The following ABCA9 variants were observed in gnomAD, a reference collection of about 807,000 sequenced individuals.
ABCA9 encodes ATP binding cassette subfamily A member 9.
In ABCA9, 183 loss-of-function variants were observed where a neutral mutation model predicts 205.3. That is an observed-to-expected ratio of 0.89 (90% CI 0.79 to 1.01). The LOEUF (loss-of-function observed/expected upper bound fraction) is 1.01. Ranked by LOEUF, ABCA9 falls within the 50% of genes least tolerant of loss-of-function variation. The pLI is 0.00. For synonymous variants in ABCA9, 651 were observed against 683.3 expected (o/e 0.95, Z 0.74); for missense variants, 1,805 against 1,912.4 (o/e 0.94, Z 1.05).
At chr17:68,986,374 T>C (rs1026940078) in intron 31 of ABCA9, 50 bp from the exon 32 acceptor site, 1 of 1,514,630 alleles carries the variant, frequency 6.6e-7, no homozygotes, top group African/African-American at 1.4e-5. Flanking sequence ...GTCACGTATA[T>C]GTATATGCAT....
upstream of ABCA9, among the ~76,000 whole-genome samples, chr17:69,064,844 T>C (rs941604162): frequency 6.6e-6 from 1 of 152,220 alleles, no homozygotes; most frequent in African/African-American, 2.4e-5. Flanking sequence ...TTTAATATAC[T>C]TTTTGGCCAT....
intron 34 of ABCA9, among the ~76,000 whole-genome samples, chr17:68,984,600 G>A (rs1413917673): frequency 1.3e-5 from 2 of 152,176 alleles, no homozygotes; most frequent in Non-Finnish European, 2.9e-5. Context: ...ATCAGGTGAT[G>A]TTGCAGAAAG....
At chr17:69,030,460 A>G (rs917154964) in intron 10 of ABCA9, among the ~76,000 whole-genome samples, 47 of 152,326 alleles carry the variant, frequency 3.1e-4, no homozygotes, top group African/African-American at 1.1e-3. Flanking sequence ...CTAAGACTTT[A>G]TCTTCAAATA....
chr17:69,051,037 G>A lies in ABCA9; in HGVS notation c.90C>T (p.Thr30=), dbSNP rs773135072. 1 of 1,613,412 alleles carries A rather than the reference G, an allele frequency of 6.2e-7. No homozygotes were observed. Among genetic ancestry groups the A allele is most frequent in the Admixed American group, 1.7e-5 (1 of 59,872 alleles). ...CATAGACTCTGAAGCATACCAACAA[G>A]GTCTGTCTTTTCATTCTCCATTTTT... ...CLKKWRMKRQ[T]LLEWLFSFLL... Residue 30 remains threonine (T), a synonymous_variant, in exon 2 of 39, where the codon ACC becomes ACT. Coordinates refer to ENST00000340001, the MANE Select transcript of ABCA9 (RefSeq NM_080283.4).
chr17:69,022,982 C>G (rs1217603065), intron 17 of ABCA9, among the ~76,000 whole-genome samples: 1 of 152,188 alleles, frequency 6.6e-6, no homozygotes, highest in East Asian at 1.9e-4. Context: ...AATAAGCAAT[C>G]AGCTAAAACT....
chr17:68,993,098 A>T lies in ABCA9; in HGVS notation c.3556-14T>A, dbSNP rs2069508330. ...ATCAGGAGAAATCTGTAAAATGAGC[A>T]GTAAGTGTATTCAGGTGAACCTTCT... On this transcript the variant is annotated splice_polypyrimidine_tract_variant and intron_variant, in intron 26 of 38. Coordinates refer to ENST00000340001, the MANE Select transcript of ABCA9 (RefSeq NM_080283.4). 1 of 1,607,420 alleles carries T rather than the reference A, an allele frequency of 6.2e-7. No individual in the cohort carries two copies. The highest frequency in any genetic ancestry group is 1.1e-5 in the South Asian group (1 of 90,578).
chr17:69,046,569 A>G (rs2071709013), intron 3 of ABCA9, among the ~76,000 whole-genome samples: 1 of 152,048 alleles, frequency 6.6e-6, no homozygotes, highest in Non-Finnish European at 1.5e-5. Context: ...TTCATCTACT[A>G]ATATAAAACA....
intron 10 of ABCA9, among the ~76,000 whole-genome samples, chr17:69,029,598 T>A (rs1422106765): frequency 6.6e-6 from 1 of 152,120 alleles, no homozygotes; most frequent in Non-Finnish European, 1.5e-5. Flanking sequence ...CACACCATAA[T>A]AGAAACAGTA....
At chr17:69,043,088 G>C (rs1222459780) in intron 6 of ABCA9, 1 of 174,166 alleles carries the variant, frequency 5.7e-6, no homozygotes, top group African/African-American at 2.5e-5. Context: ...GACAGTGACA[G>C]ATCATCAGGC....
chr17:69,055,080 A>T (rs1211152832), intron 1 of ABCA9, among the ~76,000 whole-genome samples: 1 of 152,206 alleles, frequency 6.6e-6, no homozygotes, highest in African/African-American at 2.4e-5. Context: ...TAGACCAAAA[A>T]TAGAATTGAA....
At chr17:69,054,680 G>A (rs990573372) in intron 1 of ABCA9, among the ~76,000 whole-genome samples, 1 of 151,750 alleles carries the variant, frequency 6.6e-6, no homozygotes, top group Non-Finnish European at 1.5e-5. Flanking sequence ...ATTCAATTGT[G>A]TATACTTATG....
At chr17:68,996,336 A>C (rs2069624235) in intron 25 of ABCA9, among the ~76,000 whole-genome samples, 1 of 152,146 alleles carries the variant, frequency 6.6e-6, no homozygotes, top group South Asian at 2.1e-4. Flanking sequence ...TTTTCATTTC[A>C]CAATAGTTCA....
At chr17:69,030,905 T>G (rs1376653090) in intron 10 of ABCA9, among the ~76,000 whole-genome samples, 2 of 152,188 alleles carry the variant, frequency 1.3e-5, no homozygotes, top group African/African-American at 2.4e-5. Context: ...GAGAGGTGAT[T>G]ATGAGTCCAG....
intron 36 of ABCA9, among the ~76,000 whole-genome samples, chr17:68,983,476 T>C (rs972030717): frequency 6.6e-6 from 1 of 152,188 alleles, no homozygotes; most frequent in Non-Finnish European, 1.5e-5. Flanking sequence ...GTATTTGGCA[T>C]GTTAGAGCCC....
Position 69,033,832 on chromosome 17 carries a change from C to A in ABCA9, c.1170G>T (p.Leu390Phe). The part of the protein sequence containing the change: ...LDYDVNSNAH[L>F]DSSQNPYLII... ...TGAGGTATGGATTTTGTGAAGAATC[C>A]AAGTGGGCATTAGAATTCACATCAT... The change falls in exon 9 of 39, where the codon TTG (leucine) becomes TTT (phenylalanine). Residue 390 changes from leucine to phenylalanine, a missense_variant. Coordinates refer to ENST00000340001, the MANE Select transcript of ABCA9 (RefSeq NM_080283.4). 1 of 1,606,880 alleles carries A rather than the reference C, an allele frequency of 6.2e-7. No homozygotes were observed. Among genetic ancestry groups the A allele is most frequent in the South Asian group, 1.1e-5 (1 of 90,138 alleles).
Position 68,975,984 on chromosome 17 carries a change from C to G in ABCA9, c.4806G>C (p.Glu1602Asp). 1 of 1,613,796 alleles carries G rather than the reference C, an allele frequency of 6.2e-7. No homozygotes were observed. Among genetic ancestry groups the G allele is most frequent in the Non-Finnish European group, 8.5e-7 (1 of 1,179,868 alleles). The change falls in exon 39 of 39, where the codon GAG becomes GAC. Residue 1602 changes from glutamate (E) to aspartate (D), a missense_variant. Glu to Asp is a conservative substitution (Grantham distance 45). Coordinates refer to ENST00000340001, the MANE Select transcript of ABCA9 (RefSeq NM_080283.4). ...CAAAGTCCTCTTCAAGATCACCCAG[C>G]TCCTGCTCCTTGGAGAGCTCCAGGA... ...QVFLELSKEQELGDLEEDFDP... is the reference protein window; with the variant it reads ...QVFLELSKEQDLGDLEEDFDP...
chr17:69,074,659 C>T, the ABCA9 span, among the ~76,000 whole-genome samples: 11 of 152,176 alleles, frequency 7.2e-5, no homozygotes, highest in African/African-American at 1.9e-4. Flanking sequence ...CCACCACTGA[C>T]GGGCATCTCG....
intron 6 of ABCA9, among the ~76,000 whole-genome samples, chr17:69,036,898 AGCAG>A (rs1259717548): frequency 1.6e-5 from 2 of 121,556 alleles, no homozygotes; most frequent in African/African-American, 2.9e-5. Context: ...AAAAAAAAAA[AGCAG>A]AGGTTGCAAT....
chr17:69,013,718 C>T (rs1231663552), intron 22 of ABCA9, among the ~76,000 whole-genome samples: 1 of 152,028 alleles, frequency 6.6e-6, no homozygotes, highest in Non-Finnish European at 1.5e-5. Context: ...GGTAGTTTGG[C>T]CGGGTGATGA....
Sources: allele counts gnomAD v4.1 joint callset (sites outside exome capture counted in the v4.1 genomes callset), GRCh38; gene constraint gnomAD v4.1.1; transcripts MANE v1.5; gene names NCBI Gene and HGNC (gene_info 2026-07-23, HGNC 2026-07-21).